TJP2: variants seen among roughly 807,000 people sequenced by gnomAD.
TJP2 encodes Friedreich ataxia region gene X104 (tight junction protein ZO-2).
Under a neutral mutation model 133.1 loss-of-function variants are expected in TJP2, and 91 were observed. The observed-to-expected ratio is 0.68, with a 90% CI of 0.58 to 0.81. The LOEUF is 0.81. TJP2 is among the 40% of genes least tolerant of loss of function. The probability of loss-of-function intolerance (pLI) is 0.00; values close to 1 mark genes in which losing one functional copy is unlikely to be tolerated. For missense variants in TJP2, 1,541 were observed against 1,565.6 expected (o/e 0.98, Z 0.26); for synonymous variants, 592 against 583.4 (o/e 1.01, Z -0.21).
chr9:69,192,425 A>C (rs951167003), intron 1 of TJP2, among the ~76,000 whole-genome samples: 6 of 152,178 alleles, frequency 3.9e-5, no homozygotes, highest in Non-Finnish European at 7.3e-5. Flanking sequence ...TGAACTACTT[A>C]TAAACTGGAG....
chr9:69,155,896 A>C (rs1481928266), intron 2 of TJP2, among the ~76,000 whole-genome samples: 3 of 152,200 alleles, frequency 2.0e-5, no homozygotes, highest in Admixed American at 6.5e-5. Flanking sequence ...TGAGGCTAAA[A>C]AGTTATTGGC....
chr9:69,227,763 A>T lies in TJP2; in HGVS notation c.1211-2A>T. 1 of 1,569,626 alleles carries T rather than the reference A, an allele frequency of 6.4e-7. No individual in the cohort carries two copies. Among genetic ancestry groups the T allele is most frequent in the Non-Finnish European group, 8.8e-7 (1 of 1,140,964 alleles). On this transcript the variant is annotated splice_acceptor_variant, in intron 7 of 22. Transcript: ENST00000377245. LOFTEE classifies it high-confidence loss of function. ...AAAGTCTTTTCTTATTTTTGAAACT[A>T]GATATTTCAGAAATAGAGTCAAACC...
chr9:69,195,875 A>G (rs1250371971), intron 1 of TJP2, among the ~76,000 whole-genome samples: 2 of 152,226 alleles, frequency 1.3e-5, no homozygotes, highest in South Asian at 2.1e-4. Context: ...GGAAATAGCT[A>G]TCATGCTTGT....
intron 8 of TJP2, 43 bp from the exon 9 acceptor site, chr9:69,227,938 A>C: frequency 6.2e-7 from 1 of 1,614,082 alleles, no homozygotes; most frequent in Non-Finnish European, 8.5e-7. Flanking sequence ...GTATTTATGA[A>C]ACTGTTATCT....
intron 2 of TJP2, among the ~76,000 whole-genome samples, chr9:69,168,593 G>A (rs1357209346): frequency 6.6e-5 from 10 of 151,982 alleles, no homozygotes; most frequent in Non-Finnish European, 1.2e-4. Flanking sequence ...TCAGGAGATC[G>A]AGACCATCCT....
At chr9:69,167,164 G>A (rs1300497908) in intron 2 of TJP2, among the ~76,000 whole-genome samples, 1 of 152,050 alleles carries the variant, frequency 6.6e-6, no homozygotes, top group Admixed American at 6.5e-5. Flanking sequence ...CTTGAACTCA[G>A]GAGGCGGACG....
chr9:69,135,787 G>A (rs1822706551), intron 1 of TJP2, among the ~76,000 whole-genome samples: 2 of 152,216 alleles, frequency 1.3e-5, no homozygotes, highest in Non-Finnish European at 2.9e-5. Context: ...TGTATTTTTA[G>A]TAGAGATGGT....
intron 11 of TJP2, among the ~76,000 whole-genome samples, chr9:69,232,241 G>A (rs974590372): frequency 2.0e-5 from 3 of 152,174 alleles, no homozygotes; most frequent in South Asian, 4.1e-4. Flanking sequence ...TCTTGGGTGC[G>A]AATAAATTTT....
rs80159786 is a variant in TJP2, at chr9:69,239,888, A to G, written c.2356-49A>G. On this transcript the variant is annotated intron_variant, in intron 16 of 22. Transcript: ENST00000377245. ...TTATTAAAACAAAGTATTTGATGCT[A>G]TATTACTTTATATATCCATTTCTCT... 713 of 1,374,682 alleles carry G rather than the reference A, an allele frequency of 5.2e-4. 2 individuals carry two copies. In the African/African-American group the frequency reaches 6.8e-3, roughly 13 times the overall value. The allele number at this position is 1,374,682 out of a possible 1,614,324, so 85.2% of individuals were successfully genotyped here. A position where few individuals can be genotyped will look rare whatever the true frequency, so the allele number is the denominator to read the frequency against.
At chr9:69,211,197 C>T (rs1048083609) in intron 1 of TJP2, among the ~76,000 whole-genome samples, 2 of 152,182 alleles carry the variant, frequency 1.3e-5, no homozygotes, top group East Asian at 1.9e-4. Flanking sequence ...ATTAGCCGGG[C>T]GTGGTAGTGC....
intron 18 of TJP2, among the ~76,000 whole-genome samples, chr9:69,247,799 C>T (rs1316297647): frequency 6.6e-6 from 1 of 152,186 alleles, no homozygotes; most frequent in Non-Finnish European, 1.5e-5. Context: ...AGATAGGCTG[C>T]AGGGCCCCTA....
chr9:69,158,454 C>G (rs932579987), intron 2 of TJP2, among the ~76,000 whole-genome samples: 1 of 151,776 alleles, frequency 6.6e-6, no homozygotes, highest in African/African-American at 2.4e-5. Context: ...GCCCTTCTGA[C>G]ACTTTCTCCT....
chr9:69,204,614 G>A (rs1827251751), intron 1 of TJP2, among the ~76,000 whole-genome samples: 1 of 152,180 alleles, frequency 6.6e-6, no homozygotes, highest in South Asian at 2.1e-4. Flanking sequence ...AGCACCAAAT[G>A]AGTCTTATCT....
chr9:69,138,910 C>A (rs1446910808), intron 1 of TJP2, among the ~76,000 whole-genome samples: 1 of 137,850 alleles, frequency 7.3e-6, no homozygotes, highest in South Asian at 2.3e-4. Flanking sequence ...CAGTGAGATT[C>A]CATCTCAAAA....
intron 2 of TJP2, among the ~76,000 whole-genome samples, chr9:69,168,873 C>T (rs1211064952): frequency 6.6e-6 from 1 of 151,318 alleles, no homozygotes; most frequent in Admixed American, 6.6e-5. Flanking sequence ...GGAAGCAGAA[C>T]GTTAGATGCC....
At chr9:69,154,326 A>G (rs753226822) in intron 2 of TJP2, among the ~76,000 whole-genome samples, 8 of 152,194 alleles carry the variant, frequency 5.3e-5, no homozygotes, top group South Asian at 2.1e-4. Context: ...TCGATTGGCA[A>G]TGTCCGGCGT....
chr9:69,219,115 A>G (rs1011456881), intron 4 of TJP2, among the ~76,000 whole-genome samples: 2 of 151,898 alleles, frequency 1.3e-5, no homozygotes, highest in South Asian at 4.2e-4. Flanking sequence ...GATTACAGGC[A>G]TGCACCACCA....
intron 22 of TJP2, chr9:69,253,773 A>C (rs1302621874): frequency 3.4e-6 from 1 of 291,246 alleles, no homozygotes; most frequent in Non-Finnish European, 6.7e-6. Context: ...TGGAAGCTGA[A>C]GTCTAGTTTT....
chr9:69,238,575 G>A (rs1588136529), intron 15 of TJP2, 135 bp from the exon 16 acceptor site: 3 of 745,670 alleles, frequency 4.0e-6, no homozygotes, highest in East Asian at 2.7e-5. Flanking sequence ...AGCAGGTTAT[G>A]TGGGTCCTTC....
Sources: allele counts gnomAD v4.1 joint callset (sites outside exome capture counted in the v4.1 genomes callset), GRCh38; gene constraint gnomAD v4.1.1; transcripts MANE v1.5; gene names NCBI Gene and HGNC (gene_info 2026-07-23, HGNC 2026-07-21).